Variants in NKAIN2 observed in about 807,000 individuals in gnomAD.
NKAIN2 encodes sodium/potassium-transporting ATPase subunit beta-1-interacting protein 2.
In NKAIN2, 14 loss-of-function variants were observed where a neutral mutation model predicts 32.6. The ratio of observed to expected loss-of-function variants is 0.43; its 90% CI spans 0.28 to 0.67. NKAIN2 has a LOEUF of 0.67. Ranked by LOEUF, NKAIN2 falls within the 30% of genes least tolerant of loss-of-function variation. The probability of loss-of-function intolerance (pLI) is 0.17; values close to 1 mark genes in which losing one functional copy is unlikely to be tolerated. For missense variants in NKAIN2, 198 were observed against 258.3 expected (o/e 0.77, Z 1.60); for synonymous variants, 80 against 87.2 (o/e 0.92, Z 0.46).
chr6:124,139,079 A>ATTTTTTTTTTTTTTT (rs900247440), intron 1 of NKAIN2, among the ~76,000 whole-genome samples: 7 of 99,494 alleles, frequency 7.0e-5, no homozygotes, highest in Non-Finnish European at 9.1e-5. Context: ...TTAAATAAAA[A>ATTTTTTTTTTTTTTT]TTTTTTTTTT....
At chr6:124,458,929 G>A (rs115756378) in intron 3 of NKAIN2, among the ~76,000 whole-genome samples, 81 of 151,900 alleles carry the variant, frequency 5.3e-4, no homozygotes, top group African/African-American at 1.9e-3. Flanking sequence ...ACTATTGTAG[G>A]AACTGAGAGA....
At chr6:124,067,263 C>T (rs1224907915) in intron 1 of NKAIN2, among the ~76,000 whole-genome samples, 3 of 152,222 alleles carry the variant, frequency 2.0e-5, no homozygotes, top group East Asian at 1.9e-4. Context: ...ATATCTCTCT[C>T]GTACTCAACC....
At chr6:124,086,496 A>G (rs116093884) in intron 1 of NKAIN2, among the ~76,000 whole-genome samples, 2,946 of 151,950 alleles carry the variant, frequency 0.019, 86 homozygotes, top group African/African-American at 0.064. Flanking sequence ...GCCTCATGTG[A>G]ATATTGTAGG....
intron 3 of NKAIN2, among the ~76,000 whole-genome samples, chr6:124,463,969 G>C (rs985706720): frequency 1.3e-5 from 2 of 151,928 alleles, no homozygotes; most frequent in African/African-American, 4.8e-5. Flanking sequence ...CATTTGAATG[G>C]CACTTTGTTT....
intron 4 of NKAIN2, among the ~76,000 whole-genome samples, chr6:124,664,035 G>T (rs1157012836): frequency 1.3e-5 from 2 of 152,090 alleles, no homozygotes; most frequent in African/African-American, 4.8e-5. Flanking sequence ...AGCACATTGG[G>T]AGGCTGAGGA....
chr6:124,283,571 G>A (rs1303945679), intron 2 of NKAIN2, among the ~76,000 whole-genome samples: 1 of 152,222 alleles, frequency 6.6e-6, no homozygotes, highest in East Asian at 1.9e-4. Context: ...AACCACATTA[G>A]GGCTAATATT....
At chr6:124,424,396 G>A (rs332637) in intron 3 of NKAIN2, among the ~76,000 whole-genome samples, 45,930 of 151,774 alleles carry the variant, frequency 0.3, 7,285 homozygotes, top group African/African-American at 0.4. Flanking sequence ...GTGTGTGTAT[G>A]TGTGTGTGTG....
chr6:124,809,004 C>T (rs147510800), intron 5 of NKAIN2, among the ~76,000 whole-genome samples: 2,482 of 152,252 alleles, frequency 0.016, 68 homozygotes, highest in African/African-American at 0.056. Context: ...AATGGAAGAA[C>T]ATTCCATGCT....
intron 3 of NKAIN2, among the ~76,000 whole-genome samples, chr6:124,623,434 A>C (rs1295248164): frequency 6.6e-6 from 1 of 152,204 alleles, no homozygotes; most frequent in African/African-American, 2.4e-5. Context: ...CACAACACCT[A>C]GTATTGAACT....
At chr6:124,100,511 C>A (rs1323680764) in intron 1 of NKAIN2, among the ~76,000 whole-genome samples, 10 of 152,172 alleles carry the variant, frequency 6.6e-5, no homozygotes, top group Admixed American at 6.5e-4. Context: ...AGATATTCCA[C>A]AGCAAATAGA....
chr6:124,243,043 A>G (rs1793195641), intron 1 of NKAIN2, among the ~76,000 whole-genome samples: 1 of 152,042 alleles, frequency 6.6e-6, no homozygotes, highest in Non-Finnish European at 1.5e-5. Context: ...ATAATTAAAA[A>G]AAAAAAAACC....
chr6:123,915,708 C>A (rs1775457361), intron 1 of NKAIN2, among the ~76,000 whole-genome samples: 1 of 152,134 alleles, frequency 6.6e-6, no homozygotes, highest in Non-Finnish European at 1.5e-5. Flanking sequence ...ACAAGTTCTT[C>A]AGGGCAGGAT....
chr6:124,337,704 T>C (rs933384842), intron 2 of NKAIN2, among the ~76,000 whole-genome samples: 1 of 152,334 alleles, frequency 6.6e-6, no homozygotes, highest in African/African-American at 2.4e-5. Context: ...TACAGACTCC[T>C]GGGGAACTCT....
chr6:124,542,697 A>T (rs1408202218), intron 3 of NKAIN2, among the ~76,000 whole-genome samples: 1 of 152,182 alleles, frequency 6.6e-6, no homozygotes, highest in Non-Finnish European at 1.5e-5. Context: ...AGATTGGATG[A>T]TCTTTAAAGG....
intron 3 of NKAIN2, among the ~76,000 whole-genome samples, chr6:124,614,448 T>G (rs1261496734): frequency 6.6e-6 from 1 of 152,172 alleles, no homozygotes; most frequent in Non-Finnish European, 1.5e-5. Context: ...TTTTCCTTAG[T>G]CAACCATTTT....
chr6:124,373,856 AG>A (rs1799872691), intron 3 of NKAIN2, among the ~76,000 whole-genome samples: 1 of 152,184 alleles, frequency 6.6e-6, no homozygotes. Flanking sequence ...AGGTGAGGTG[AG>A]AAAATGCAGA....
intron 1 of NKAIN2, among the ~76,000 whole-genome samples, chr6:124,148,719 A>C (rs1029986225): frequency 6.6e-6 from 1 of 152,174 alleles, no homozygotes; most frequent in Admixed American, 6.5e-5. Flanking sequence ...TGCATTCATC[A>C]GTTGATGAAC....
At chr6:124,194,906 G>A (rs1790239401) in intron 1 of NKAIN2, among the ~76,000 whole-genome samples, 1 of 151,526 alleles carries the variant, frequency 6.6e-6, no homozygotes, top group African/African-American at 2.4e-5. Flanking sequence ...TTAATTAGAT[G>A]CCTGTAAGTC....
chr6:124,647,876 A>C (rs982196669), intron 3 of NKAIN2, among the ~76,000 whole-genome samples: 50 of 152,334 alleles, frequency 3.3e-4, no homozygotes, highest in African/African-American at 1.1e-3. Context: ...ATCAGACTTA[A>C]GAAACTAGTG....
Sources: gnomAD v4.1 joint callset for allele counts (sites outside exome capture counted in the v4.1 genomes callset) on GRCh38, gnomAD v4.1.1 for gene constraint, MANE v1.5 for transcripts, NCBI Gene and HGNC (gene_info 2026-07-23, HGNC 2026-07-21) for gene names.